The following KCNG3 variants were observed in gnomAD, a reference collection of about 807,000 sequenced individuals.
The protein encoded by KCNG3 is potassium voltage-gated channel modifier subfamily G member 3, also known as voltage-gated potassium channel regulatory subunit KCNG3.
Under a neutral mutation model 29.0 loss-of-function variants are expected in KCNG3, and 15 were observed. The observed-to-expected ratio is 0.52, with a 90% CI of 0.35 to 0.80. The LOEUF (loss-of-function observed/expected upper bound fraction) is 0.80, where lower values mean the gene tolerates loss of function less well. Among genes scored for constraint, KCNG3 ranks in the 30% least tolerant of loss-of-function variants. The pLI is 0.01. For synonymous variants in KCNG3, 322 were observed against 248.9 expected (o/e 1.29, Z -2.76); for missense variants, 512 against 605.7 (o/e 0.85, Z 1.62).
chr2:42,393,471 G>A, the KCNG3 span, among the ~76,000 whole-genome samples: 1 of 152,064 alleles, frequency 6.6e-6, no homozygotes, highest in Non-Finnish European at 1.5e-5. Context: ...TGAGGCAGGA[G>A]AACTGATTAA....
rs1328091998 is a variant in KCNG3 at position 42,477,382 on chromosome 2, T to TACACACACACACACACACAC, written c.665+15454_665+15455insGTGTGTGTGTGTGTGTGTGT. Among the ~76,000 whole-genome samples, 41 of 105,200 alleles carry TACACACACACACACACACAC rather than the reference T, an allele frequency of 3.9e-4. No homozygotes were observed. The East Asian group carries it at 5.4e-3, about 14-fold the overall frequency. 69.0% of individuals were successfully genotyped at this position (105,200 alleles called of 152,430 possible). A position where few individuals can be genotyped will look rare whatever the true frequency, so the allele number is the denominator to read the frequency against. ...GTATATACATATATATACACACACA[T>TACACACACACACACACACAC]ATATATACACACACACACACACACA... On this transcript the variant is annotated intron_variant, in intron 1 of 1. Coordinates refer to ENST00000306078, the MANE Select transcript of KCNG3 (RefSeq NM_133329.6).
At chr2:42,470,704 G>A (rs751603197) in intron 1 of KCNG3, among the ~76,000 whole-genome samples, 24 of 151,108 alleles carry the variant, frequency 1.6e-4, no homozygotes, top group Non-Finnish European at 2.5e-4. Flanking sequence ...GTGGGAACCT[G>A]TCTCTACAAA....
At chr2:42,416,818 CAAA>C in the KCNG3 span, among the ~76,000 whole-genome samples, 3 of 89,590 alleles carry the variant, frequency 3.3e-5, no homozygotes, top group Admixed American at 1.2e-4. Context: ...TCCCCTGTCT[CAAA>C]AAAAAAAAAA....
Position 42,444,744 on chromosome 2 carries a change from G to A in KCNG3, c.666-165C>T, listed in dbSNP as rs1412514008. ...ACATCATCAGACCACCAGGATGCAC[G>A]CAACAGAACAACAAATCAATTCAGA... On this transcript the variant is annotated intron_variant, in intron 1 of 1. Coordinates refer to ENST00000306078, the MANE Select transcript of KCNG3 (RefSeq NM_133329.6). The surrounding 1 kb of genome is among the most constrained non-coding windows in gnomAD (Gnocchi z 5.8). Among the ~76,000 whole-genome samples the A allele has an allele frequency of 3.9e-5, 6 of 152,038 alleles. No individual in the cohort carries two copies. The highest frequency in any genetic ancestry group is 8.8e-5 in the Non-Finnish European group (6 of 68,014).
chr2:42,403,621 C>CTT, the KCNG3 span, among the ~76,000 whole-genome samples: 27 of 134,382 alleles, frequency 2.0e-4, no homozygotes, highest in Admixed American at 6.9e-4. Context: ...ACTTTTTTTT[C>CTT]TTTTTTTTTT....
chr2:42,477,938 T>C (rs1300322931), intron 1 of KCNG3, among the ~76,000 whole-genome samples: 2 of 152,048 alleles, frequency 1.3e-5, no homozygotes, highest in Non-Finnish European at 1.5e-5. Context: ...CAGGGTTTTA[T>C]ACCCTGACAC....
At chr2:42,492,707 T>TG (rs113015907) in intron 1 of KCNG3, 130 bp downstream of exon 1, 819,721 of 819,856 alleles carry the variant, frequency 1, 409,793 homozygotes, top group Middle Eastern at 1. Context: ...TGGCCGCGCC[T>TG]GGGCCTCGCT....
intron 1 of KCNG3, among the ~76,000 whole-genome samples, chr2:42,475,630 T>A (rs1673405266): frequency 6.7e-6 from 1 of 149,448 alleles, no homozygotes; most frequent in African/African-American, 2.5e-5. Context: ...GCGCCCGGTC[T>A]GAGACTCTGT....
chr2:42,443,942 G>A lies in KCNG3; in HGVS notation c.1303C>T (p.Leu435=). The change falls in exon 2 of 2, where the codon CTG becomes TTG. Residue 435 remains leucine, a synonymous_variant. Transcript: ENST00000306078. ...RYSRSLSTEF[L]N The stretch of plus-strand genomic sequence containing the variant: ...AATTGATTTGCAATGCATTAATTCA[G>A]GAATTCAGTGGAGAGGCTCCTACTA... 1.9e-6 allele frequency: 3 copies of A among 1,602,666 alleles called. No homozygotes were observed. Among genetic ancestry groups the A allele is most frequent in the Non-Finnish European group, 2.6e-6 (3 of 1,174,836 alleles).
Position 42,493,197 on chromosome 2 carries a change from C to T in KCNG3, c.305G>A (p.Gly102Asp). The T allele has an allele frequency of 6.2e-7, 1 of 1,610,634 alleles. No homozygotes were observed. Among genetic ancestry groups the T allele is most frequent in the South Asian group, 1.1e-5 (1 of 91,056 alleles). Residue 102 changes from glycine (G) to aspartate (D), a missense_variant, in exon 1 of 2, where the codon GGC becomes GAC. This residue lies in a region of KCNG3 where 228 missense variants were observed against 200.0 expected (regional missense o/e 1.14). Coordinates refer to ENST00000306078, the MANE Select transcript of KCNG3 (RefSeq NM_133329.6). Reference protein sequence around the residue: ...LSFYNEMIYWGLEGAHLEYCC... With the variant: ...LSFYNEMIYWDLEGAHLEYCC... ...GTACTCGAGGTGCGCGCCCTCCAGG[C>T]CCCAGTAGATCATCTCGTTGTAGAA...
At chr2:42,414,995 T>C in the KCNG3 span, among the ~76,000 whole-genome samples, 1,333 of 152,356 alleles carry the variant, frequency 8.7e-3, 18 homozygotes, top group African/African-American at 0.026. Flanking sequence ...CTACTGTTTA[T>C]ATTTCTTGAT....
intron 1 of KCNG3, among the ~76,000 whole-genome samples, chr2:42,467,843 C>A (rs1673180985): frequency 6.6e-6 from 1 of 151,576 alleles, no homozygotes; most frequent in Non-Finnish European, 1.5e-5. Flanking sequence ...TGGTAGCATG[C>A]CCCTATAGTC....
rs1277115887 is a variant in KCNG3, at chr2:42,454,665, T to C, written c.666-10086A>G. On this transcript the variant is annotated intron_variant, in intron 1 of 1. Transcript: ENST00000306078. ...AGGCAGAGGTTGCAGTGAGCCAAGA[T>C]CGTGCCATTGTACTGGGCGACAGAG... 3.3e-5 allele frequency among the ~76,000 whole-genome samples: 5 copies of C among 151,320 alleles called. No homozygotes were observed. In the East Asian group the frequency reaches 9.8e-4, roughly 30 times the overall value.
chr2:42,418,513 T>C, the KCNG3 span, among the ~76,000 whole-genome samples: 2 of 152,222 alleles, frequency 1.3e-5, no homozygotes, highest in African/African-American at 4.8e-5. Context: ...ACTCTTCATT[T>C]TGTATATTTC....
At chr2:42,437,766 C>T (rs903843298), downstream of KCNG3, among the ~76,000 whole-genome samples, 1 of 151,728 alleles carries the variant, frequency 6.6e-6, no homozygotes, top group Non-Finnish European at 1.5e-5. Context: ...GGCAAAACCC[C>T]ATCTCTACTA....
the KCNG3 span, among the ~76,000 whole-genome samples, chr2:42,428,458 G>GAAAAAAAA: frequency 2.9e-4 from 30 of 104,508 alleles, no homozygotes; most frequent in Non-Finnish European, 3.6e-4. Context: ...CCCGGTCTCG[G>GAAAAAAAA]GAAAAAAAAA....
chr2:42,465,051 G>A (rs1416729096), intron 1 of KCNG3, among the ~76,000 whole-genome samples: 1 of 152,068 alleles, frequency 6.6e-6, no homozygotes, highest in Non-Finnish European at 1.5e-5. Flanking sequence ...GGAATATTTA[G>A]GACAAAATGA....
chr2:42,484,961 A>G (rs894078489), intron 1 of KCNG3, among the ~76,000 whole-genome samples: 3 of 152,238 alleles, frequency 2.0e-5, no homozygotes, highest in Admixed American at 6.5e-5. Context: ...TCTGCACAGT[A>G]AAAGCACTAA....
chr2:42,479,785 C>T (rs1673536715), intron 1 of KCNG3, among the ~76,000 whole-genome samples: 2 of 152,260 alleles, frequency 1.3e-5, no homozygotes, highest in South Asian at 4.1e-4. Flanking sequence ...CCAAGGCGGG[C>T]AAATCACTTG....
Sources: allele counts gnomAD v4.1 joint callset (sites outside exome capture counted in the v4.1 genomes callset), GRCh38; gene constraint gnomAD v4.1.1; regional missense constraint gnomAD v4.1.1; non-coding constraint Gnocchi (gnomAD v3.1); transcripts MANE v1.5; gene names NCBI Gene and HGNC (gene_info 2026-07-23, HGNC 2026-07-21).